Variants in NRXN1 observed in about 807,000 individuals in gnomAD.
NRXN1 encodes the protein neurexin-1.
In NRXN1, 39 loss-of-function variants were observed where a neutral mutation model predicts 150.9. That is an observed-to-expected ratio of 0.26 (90% confidence interval 0.20 to 0.34). The LOEUF is 0.34. Ranked by LOEUF, NRXN1 falls within the 10% of genes least tolerant of loss-of-function variation. The pLI is 1.00. For missense variants in NRXN1, 1,815 were observed against 1,949.9 expected (o/e 0.93, Z 1.30); for synonymous variants, 924 against 757.0 (o/e 1.22, Z -3.62).
At chr2:50,652,287 G>A (rs771609565) in intron 5 of NRXN1, among the ~76,000 whole-genome samples, 6 of 151,976 alleles carry the variant, frequency 3.9e-5, no homozygotes, top group Non-Finnish European at 8.8e-5. Flanking sequence ...ACAATTCAAT[G>A]AGTTTTGGTA....
intron 5 of NRXN1, among the ~76,000 whole-genome samples, chr2:50,663,838 C>A (rs1476787116): frequency 1.3e-5 from 2 of 151,368 alleles, no homozygotes; most frequent in African/African-American, 4.9e-5. Flanking sequence ...AATTTTGAGC[C>A]TAAAGATTTA....
At chr2:50,044,048 A>G (rs187334592) in intron 21 of NRXN1, among the ~76,000 whole-genome samples, 349 of 152,288 alleles carry the variant, frequency 2.3e-3, no homozygotes, top group Non-Finnish European at 4.3e-3. Flanking sequence ...ACAAATGAGC[A>G]CCTGCTATGT....
At chr2:50,439,479 T>C (rs1409909342) in intron 17 of NRXN1, among the ~76,000 whole-genome samples, 1 of 152,090 alleles carries the variant, frequency 6.6e-6, no homozygotes, top group Non-Finnish European at 1.5e-5. Flanking sequence ...GAGAGCCTGA[T>C]ATACAAAGCA....
intron 21 of NRXN1, among the ~76,000 whole-genome samples, chr2:49,959,150 T>A (rs556140649): frequency 6.6e-6 from 1 of 152,206 alleles, no homozygotes; most frequent in Non-Finnish European, 1.5e-5. Flanking sequence ...AGCATCCTTA[T>A]TGAAACAAGA....
intron 2 of NRXN1, among the ~76,000 whole-genome samples, chr2:51,004,151 G>C (rs1700415838): frequency 6.6e-6 from 1 of 151,628 alleles, no homozygotes; most frequent in African/African-American, 2.4e-5. Context: ...TTGGGGTCTA[G>C]CCAACCCTTT....
chr2:50,444,719 T>C (rs2086253570), intron 17 of NRXN1, among the ~76,000 whole-genome samples: 2 of 152,022 alleles, frequency 1.3e-5, no homozygotes, highest in Admixed American at 1.3e-4. Context: ...AAGTTGTTCA[T>C]GATGAATAAC....
intron 12 of NRXN1, among the ~76,000 whole-genome samples, chr2:50,513,350 A>G (rs563997482): frequency 6.3e-4 from 96 of 152,250 alleles, no homozygotes; most frequent in Non-Finnish European, 1.2e-3. Flanking sequence ...AACATCCACA[A>G]TTTTTATTTG....
Position 50,819,476 on chromosome 2 carries a change from C to T in NRXN1, c.832+102393G>A, listed in dbSNP as rs562124317. On this transcript the variant is annotated intron_variant, in intron 5 of 22. Coordinates refer to ENST00000401669, the MANE Select transcript of NRXN1 (RefSeq NM_001330078.2). ...ACTTCTATGAGGTACCTAAAATGATCAAGTTCATATAAGTAGAAAGTAGAA... is the reference window on the plus strand; with the variant it reads ...ACTTCTATGAGGTACCTAAAATGATTAAGTTCATATAAGTAGAAAGTAGAA... 1.5e-3 allele frequency among the ~76,000 whole-genome samples: 227 copies of T among 152,054 alleles called. 1 individual carries two copies. The highest frequency in any genetic ancestry group is 2.8e-3 in the Non-Finnish European group (188 of 67,966).
chr2:50,047,098 A>G (rs1348415817), intron 21 of NRXN1, among the ~76,000 whole-genome samples: 1 of 152,130 alleles, frequency 6.6e-6, no homozygotes, highest in East Asian at 1.9e-4. Flanking sequence ...AGTTGGGTGG[A>G]GATCACAATG....
At chr2:50,321,569 T>C (rs1231157096) in intron 17 of NRXN1, among the ~76,000 whole-genome samples, 2 of 152,034 alleles carry the variant, frequency 1.3e-5, no homozygotes, top group Non-Finnish European at 2.9e-5. Context: ...AAATGAACAT[T>C]TTTTTTTCCT....
At chr2:50,448,949 G>T (rs1365807857) in intron 17 of NRXN1, among the ~76,000 whole-genome samples, 1 of 152,118 alleles carries the variant, frequency 6.6e-6, no homozygotes, top group African/African-American at 2.4e-5. Flanking sequence ...ATGGAAAGCT[G>T]GATATTTATT....
chr2:50,121,362 A>T (rs1703836025), intron 18 of NRXN1, among the ~76,000 whole-genome samples: 1 of 152,208 alleles, frequency 6.6e-6, no homozygotes, highest in Non-Finnish European at 1.5e-5. Flanking sequence ...CAATTACTTT[A>T]AAAAGTAGGT....
chr2:50,911,625 T>C (rs6714681), intron 5 of NRXN1, among the ~76,000 whole-genome samples: 12,996 of 151,992 alleles, frequency 0.086, 607 homozygotes, highest in South Asian at 0.12. Flanking sequence ...CATCAAGATA[T>C]ATTTGTGCCA....
At chr2:50,244,311 C>G (rs1434005138) in intron 17 of NRXN1, among the ~76,000 whole-genome samples, 1 of 151,754 alleles carries the variant, frequency 6.6e-6, no homozygotes, top group Admixed American at 6.6e-5. Context: ...TTCAGAAACA[C>G]CACCAATAGC....
intron 17 of NRXN1, among the ~76,000 whole-genome samples, chr2:50,281,322 C>T (rs796531316): frequency 1.3e-5 from 2 of 148,962 alleles, no homozygotes; most frequent in African/African-American, 2.5e-5. Flanking sequence ...GTCTCAAAAA[C>T]AATAATAATA....
At position 50,278,067 on chromosome 2, in the gene NRXN1, C is replaced by CT. The variant is rs548030464; in HGVS notation, c.3365-41098dup. On this transcript the variant is annotated intron_variant, in intron 17 of 22. Transcript: ENST00000401669. ...TTCTTATCTTTTCCTTTCTCTCTCT[C>CT]TTTTTTTTTTTTTTTTTTTGAGATG... Among the ~76,000 whole-genome samples, 198 of 75,740 alleles carry CT rather than the reference C, an allele frequency of 2.6e-3. 1 individual carries two copies. Among genetic ancestry groups the CT allele is most frequent in the African/African-American group, 9.0e-3 (158 of 17,584 alleles). The allele number at this position is 75,740 out of a possible 152,430, so 49.7% of individuals were successfully genotyped here.
intron 2 of NRXN1, among the ~76,000 whole-genome samples, chr2:50,975,079 A>G (rs1381391423): frequency 6.6e-6 from 1 of 152,044 alleles, no homozygotes; most frequent in Non-Finnish European, 1.5e-5. Context: ...AAAACTACTA[A>G]GATGTCATTT....
chr2:50,638,718 C>T (rs1414259006), intron 5 of NRXN1, among the ~76,000 whole-genome samples: 3 of 152,082 alleles, frequency 2.0e-5, no homozygotes, highest in Non-Finnish European at 4.4e-5. Context: ...ATTATTTCTC[C>T]TTTTAAAGAT....
chr2:50,945,010 C>T (rs987045684), intron 2 of NRXN1, among the ~76,000 whole-genome samples: 19 of 152,270 alleles, frequency 1.2e-4, no homozygotes, highest in African/African-American at 4.3e-4. Context: ...AAACAGCATT[C>T]TAACATCTAC....
Sources: gnomAD v4.1 joint callset for allele counts (sites outside exome capture counted in the v4.1 genomes callset) on GRCh38, gnomAD v4.1.1 for gene constraint, MANE v1.5 for transcripts, NCBI Gene and HGNC (gene_info 2026-07-23, HGNC 2026-07-21) for gene names.